EEA1: variants seen among roughly 807,000 people sequenced by gnomAD.
EEA1 encodes early endosome antigen 1, 162kD.
Under a neutral mutation model 209.2 loss-of-function variants are expected in EEA1, and 111 were observed. That is an observed-to-expected ratio of 0.53 (90% CI 0.45 to 0.62). The LOEUF is 0.62. EEA1 is among the 20% of genes least tolerant of loss of function. The probability of loss-of-function intolerance (pLI) is 0.00; values close to 1 mark genes in which losing one functional copy is unlikely to be tolerated. For missense variants in EEA1, 1,343 were observed against 1,530.8 expected, an observed-to-expected ratio of 0.88 and a Z score of 2.05; for synonymous variants, 536 against 540.6, an observed-to-expected ratio of 0.99 and a Z score of 0.12.
intron 1 of EEA1, among the ~76,000 whole-genome samples, chr12:92,898,474 G>A (rs1325339670): frequency 1.3e-5 from 2 of 151,930 alleles, no homozygotes; most frequent in Non-Finnish European, 2.9e-5. Flanking sequence ...GACCAGCCTG[G>A]CCAATATGGT....
chr12:92,922,207 C>A (rs540999834), intron 1 of EEA1, among the ~76,000 whole-genome samples: 2 of 152,158 alleles, frequency 1.3e-5, no homozygotes, highest in Non-Finnish European at 2.9e-5. Flanking sequence ...CTTGGGAAGT[C>A]CAGACCTCTA....
At chr12:92,912,210 C>T (rs914339163) in intron 1 of EEA1, among the ~76,000 whole-genome samples, 1 of 152,160 alleles carries the variant, frequency 6.6e-6, no homozygotes, top group Admixed American at 6.5e-5. Flanking sequence ...CCTCTTGCAG[C>T]ACTTACTCAT....
chr12:92,839,979 A>G (rs1877096275), intron 10 of EEA1, among the ~76,000 whole-genome samples: 1 of 152,232 alleles, frequency 6.6e-6, no homozygotes, highest in Non-Finnish European at 1.5e-5. Context: ...TCATGAGGTT[A>G]TAGTAAGCTG....
At chr12:92,891,428 T>A (rs1247582159) in intron 2 of EEA1, among the ~76,000 whole-genome samples, 1 of 152,188 alleles carries the variant, frequency 6.6e-6, no homozygotes, top group Non-Finnish European at 1.5e-5. Context: ...AATATTATTT[T>A]TCAGAGTCTT....
intron 11 of EEA1, 133 bp from the exon 12 acceptor site, chr12:92,828,194 C>A: frequency 1.6e-6 from 1 of 631,068 alleles, no homozygotes; most frequent in East Asian, 3.4e-5. Context: ...TTTGGGGAAA[C>A]CTAAGATTTT....
At chr12:92,780,837 T>A (rs555401671) in intron 23 of EEA1, among the ~76,000 whole-genome samples, 1 of 152,302 alleles carries the variant, frequency 6.6e-6, no homozygotes, top group East Asian at 1.9e-4. Context: ...AAATAATCTA[T>A]CAGAGATAGA....
At chr12:92,893,633 T>C (rs148243722) in intron 1 of EEA1, among the ~76,000 whole-genome samples, 2 of 152,320 alleles carry the variant, frequency 1.3e-5, no homozygotes, top group African/African-American at 4.8e-5. Context: ...TTAAATTATA[T>C]ATAAAAACTA....
chr12:92,903,784 G>A (rs1033869470), intron 1 of EEA1, among the ~76,000 whole-genome samples: 14 of 151,976 alleles, frequency 9.2e-5, no homozygotes. Context: ...CACATAAAGA[G>A]ATTAAAAGGT....
In EEA1 at chr12:92,780,320, A is replaced by G; in HGVS notation, c.3428T>C (p.Leu1143Pro). The change falls in exon 24 of 29, where the codon CTA becomes CCA. Residue 1143 changes from leucine (L) to proline (P), a missense_variant. By Grantham distance (98) the Leu-to-Pro change is moderately conservative. Coordinates refer to ENST00000322349, the MANE Select transcript of EEA1 (RefSeq NM_003566.4). ...KCRQEKEITK[L>P]NEELKSHKLE... ...TTTGTGGGACTTGAGTTCTTCGTTT[A>G]GTTTAGTGATTTCTTTTTCTTGTCT... 1 of 1,603,292 alleles carries G rather than the reference A, an allele frequency of 6.2e-7. No individual in the cohort carries two copies. The highest frequency in any genetic ancestry group is 8.5e-7 in the Non-Finnish European group (1 of 1,176,714).
At chr12:92,862,128 C>G (rs1403824757) in intron 3 of EEA1, among the ~76,000 whole-genome samples, 1 of 152,190 alleles carries the variant, frequency 6.6e-6, no homozygotes, top group East Asian at 1.9e-4. Flanking sequence ...AGTCACATGT[C>G]ATCCACAGTG....
chr12:92,904,610 T>C (rs117836079), intron 1 of EEA1, among the ~76,000 whole-genome samples: 3,254 of 152,240 alleles, frequency 0.021, 60 homozygotes, highest in Non-Finnish European at 0.033. Flanking sequence ...ACCCACACTT[T>C]TGTCTACTTT....
At chr12:92,822,269 C>T (rs1479293841) in intron 13 of EEA1, among the ~76,000 whole-genome samples, 1 of 152,106 alleles carries the variant, frequency 6.6e-6, no homozygotes, top group East Asian at 1.9e-4. Flanking sequence ...AAACATTCCC[C>T]ATGACACATC....
At chr12:92,899,098 G>A (rs1183871284) in intron 1 of EEA1, among the ~76,000 whole-genome samples, 1 of 145,824 alleles carries the variant, frequency 6.9e-6, no homozygotes, top group African/African-American at 2.6e-5. Context: ...TACTAAAGAT[G>A]AAGAATGCAA....
At chr12:92,869,752 CAAAAAAAAAAAAAAAAAAAAAAAA>C (rs71069185) in intron 2 of EEA1, among the ~76,000 whole-genome samples, 2 of 26,792 alleles carry the variant, frequency 7.5e-5, no homozygotes, top group Admixed American at 7.5e-4. Flanking sequence ...GATTCTGCCT[CAAAAAAAAAAAAAAAAAAAAAAAA>C]AAAAAAAAAA....
At chr12:92,811,925 C>G (rs1875536254) in intron 16 of EEA1, among the ~76,000 whole-genome samples, 1 of 151,666 alleles carries the variant, frequency 6.6e-6, no homozygotes, top group Non-Finnish European at 1.5e-5. Context: ...GGACACATAC[C>G]AAATTTAACA....
intron 27 of EEA1, 145 bp downstream of exon 27, chr12:92,777,398 C>A: frequency 2.3e-6 from 2 of 862,516 alleles, no homozygotes; most frequent in Non-Finnish European, 3.3e-6. Context: ...TTTAATTATC[C>A]ACAAAACCTA....
chr12:92,925,981 A>C (rs1342930389), intron 1 of EEA1, among the ~76,000 whole-genome samples: 1 of 152,112 alleles, frequency 6.6e-6, no homozygotes, highest in East Asian at 1.9e-4. Flanking sequence ...AAAATGCTAA[A>C]GGAATGCCAC....
chr12:92,822,149 A>C, intron 13 of EEA1, among the ~76,000 whole-genome samples: 1 of 151,832 alleles, frequency 6.6e-6, no homozygotes, highest in East Asian at 1.9e-4. Flanking sequence ...TAGCTTCTTA[A>C]CAATACCTTA....
chr12:92,858,166 A>G (rs1877971564), intron 3 of EEA1: 1 of 642,348 alleles, frequency 1.6e-6, no homozygotes, highest in East Asian at 2.7e-5. Context: ...GGGAAGGCCC[A>G]CCCAGATAAG....
Sources: gnomAD v4.1 joint callset for allele counts (sites outside exome capture counted in the v4.1 genomes callset) on GRCh38, gnomAD v4.1.1 for gene constraint, MANE v1.5 for transcripts, NCBI Gene and HGNC (gene_info 2026-07-23, HGNC 2026-07-21) for gene names.